Variants in RAB3GAP2 observed in about 807,000 individuals in gnomAD.
RAB3GAP2 encodes the protein RAB3 GTPase activating non-catalytic protein subunit 2.
In RAB3GAP2, 87 loss-of-function variants were observed where a neutral mutation model predicts 185.3. The observed-to-expected ratio is 0.47, with a 90% CI of 0.39 to 0.56. The LOEUF is 0.56. Ranked by LOEUF, RAB3GAP2 falls within the 20% of genes least tolerant of loss-of-function variation. The pLI, the probability that RAB3GAP2 is intolerant of heterozygous loss-of-function variation, is 0.00. For synonymous variants in RAB3GAP2, 554 were observed against 576.1 expected (o/e 0.96, Z 0.55); for missense variants, 1,492 against 1,638.2 (o/e 0.91, Z 1.54).
chr1:220,267,079 T>C (rs1175841390), intron 1 of RAB3GAP2: 2 of 1,593,960 alleles, frequency 1.3e-6, no homozygotes, highest in African/African-American at 2.7e-5. Context: ...AGATGGAGCA[T>C]GTTCTGACCA....
chr1:220,216,887 CTTTT>C (rs1001916086), intron 2 of RAB3GAP2, among the ~76,000 whole-genome samples: 1 of 147,844 alleles, frequency 6.8e-6, no homozygotes, highest in African/African-American at 2.5e-5. Flanking sequence ...AGTTGCTTTT[CTTTT>C]TTTTTTCAAT....
chr1:220,226,316 C>T (rs922504030), intron 2 of RAB3GAP2, among the ~76,000 whole-genome samples: 2 of 152,272 alleles, frequency 1.3e-5, no homozygotes, highest in African/African-American at 4.8e-5. Context: ...CAAGCTTCTT[C>T]CCAAACTGCC....
intron 2 of RAB3GAP2, among the ~76,000 whole-genome samples, chr1:220,225,951 C>T (rs970858963): frequency 1.3e-5 from 2 of 152,210 alleles, no homozygotes; most frequent in African/African-American, 4.8e-5. Flanking sequence ...TTCCACTTCT[C>T]AGCCTGTAAA....
At chr1:220,163,364 T>C (rs1319437987) in intron 27 of RAB3GAP2, among the ~76,000 whole-genome samples, 3 of 151,150 alleles carry the variant, frequency 2.0e-5, no homozygotes, top group African/African-American at 7.3e-5. Flanking sequence ...GTTAGTAACT[T>C]AATTTTTTTT....
At chr1:220,152,691 T>C (rs1275353441) in intron 33 of RAB3GAP2, among the ~76,000 whole-genome samples, 1 of 152,136 alleles carries the variant, frequency 6.6e-6, no homozygotes, top group Non-Finnish European at 1.5e-5. Context: ...ATTCATATGA[T>C]CCTGTTTCTT....
intron 1 of RAB3GAP2, among the ~76,000 whole-genome samples, chr1:220,250,593 G>A (rs1026812879): frequency 3.9e-5 from 6 of 152,180 alleles, no homozygotes; most frequent in Admixed American, 2.6e-4. Flanking sequence ...TTTGGGAGGA[G>A]ACAGGTAAAA....
rs551553690 is a variant in RAB3GAP2, at chr1:220,245,327, G to A, written c.116-12464C>T. Among the ~76,000 whole-genome samples, 139 of 152,356 alleles carry A rather than the reference G, an allele frequency of 9.1e-4. 2 individuals are homozygous for A. Among genetic ancestry groups the A allele is most frequent in the Admixed American group, 6.1e-3 (93 of 15,310 alleles). On this transcript the variant is annotated intron_variant, in intron 1 of 34. Transcript: ENST00000358951. Reference sequence around the variant, plus strand: ...TGGGTGCGCGCACCATGCGCGAGCCGAAGCAGGGCGAGGCATTGCCTCACT... The same window carrying A: ...TGGGTGCGCGCACCATGCGCGAGCCAAAGCAGGGCGAGGCATTGCCTCACT...
chr1:220,196,196 A>ATTGTAAATTG, intron 10 of RAB3GAP2, 54 bp downstream of exon 10: 1 of 1,576,366 alleles, frequency 6.3e-7, no homozygotes, highest in African/African-American at 1.3e-5. Flanking sequence ...CAATTTGTAG[A>ATTGTAAATTG]CAAATTGTAA....
intron 28 of RAB3GAP2, among the ~76,000 whole-genome samples, chr1:220,160,695 G>A (rs1010065706): frequency 1.3e-5 from 2 of 152,032 alleles, no homozygotes; most frequent in African/African-American, 4.8e-5. Flanking sequence ...AGGACTGCTG[G>A]GATATACTTT....
In RAB3GAP2 at chr1:220,195,417, T is replaced by C. The variant is rs774514968; in HGVS notation, c.961-40A>G. 3 of 1,508,570 alleles carry C rather than the reference T, an allele frequency of 2.0e-6. No homozygotes were observed. In the African/African-American group the frequency reaches 4.1e-5, roughly 21 times the overall value. The allele number at this position is 1,508,570 out of a possible 1,614,324, so 93.4% of individuals were successfully genotyped here. Reference sequence around the variant, plus strand: ...ATTTGAAAGAGAAAACTTAGTAGCTTACAAAGAAACAAACATACTTTCTAA... The same window carrying C: ...ATTTGAAAGAGAAAACTTAGTAGCTCACAAAGAAACAAACATACTTTCTAA... On this transcript the variant is annotated intron_variant, in intron 10 of 34. Coordinates refer to ENST00000358951, the MANE Select transcript of RAB3GAP2 (RefSeq NM_012414.4).
At chr1:220,228,203 T>C (rs1659437963) in intron 2 of RAB3GAP2, among the ~76,000 whole-genome samples, 1 of 152,194 alleles carries the variant, frequency 6.6e-6, no homozygotes, top group Non-Finnish European at 1.5e-5. Context: ...CTGTTCCTAA[T>C]AAGAGAGAGT....
chr1:220,256,807 G>A (rs1660039388), intron 1 of RAB3GAP2, among the ~76,000 whole-genome samples: 1 of 152,154 alleles, frequency 6.6e-6, no homozygotes, highest in Non-Finnish European at 1.5e-5. Flanking sequence ...AATAGTGGGA[G>A]ATTTTAACAC....
At chr1:220,252,036 C>T (rs1326366965) in intron 1 of RAB3GAP2, among the ~76,000 whole-genome samples, 1 of 150,934 alleles carries the variant, frequency 6.6e-6, no homozygotes, top group African/African-American at 2.4e-5. Context: ...TCTGTAGTCC[C>T]AGTTATTTGG....
At chr1:220,205,504 G>A (rs928798547) in intron 8 of RAB3GAP2, among the ~76,000 whole-genome samples, 1 of 152,018 alleles carries the variant, frequency 6.6e-6, no homozygotes, top group African/African-American at 2.4e-5. Context: ...TAGGATGCTG[G>A]CCTTGATCAG....
rs1320473301 is a variant in RAB3GAP2 at position 220,167,330 on chromosome 1, C to T, written c.3050G>A (p.Cys1017Tyr). 1.9e-6 allele frequency: 3 copies of T among 1,614,166 alleles called. No individual in the cohort carries two copies. The highest frequency in any genetic ancestry group is 3.3e-5 in the Admixed American group (2 of 60,026). ...ATTCCACTGAACAACGTACTCCCAGCAGCAATGTGCATGCAAGACATCGAG... is the reference window on the plus strand; with the variant it reads ...ATTCCACTGAACAACGTACTCCCAGTAGCAATGTGCATGCAAGACATCGAG... ...LELDVLHAHC[C>Y]WEYVVQWNKD... The change falls in exon 26 of 35, where the codon TGC becomes TAC. Residue 1017 changes from cysteine (C) to tyrosine (Y), a missense_variant. By Grantham distance (194) the Cys-to-Tyr change is radical. This residue lies in a region of RAB3GAP2 where 387 missense variants were observed against 455.3 expected (regional missense o/e 0.85). Transcript: ENST00000358951.
At chr1:220,251,395 G>A (rs1287643260) in intron 1 of RAB3GAP2, among the ~76,000 whole-genome samples, 1 of 152,074 alleles carries the variant, frequency 6.6e-6, no homozygotes, top group Non-Finnish European at 1.5e-5. Flanking sequence ...ATAAATATTT[G>A]CAAAATATAA....
rs201310048 is a variant in RAB3GAP2 at position 220,162,267 on chromosome 1, G to A, written c.3156C>T (p.Gly1052=). 1.3e-6 allele frequency: 2 copies of A among 1,583,386 alleles called. No homozygotes were observed. Among genetic ancestry groups the A allele is most frequent in the Non-Finnish European group, 1.7e-6 (2 of 1,152,272 alleles). Residue 1052 remains glycine (G), a splice_region_variant and synonymous_variant, in exon 28 of 35, where the codon GGC becomes GGT. Coordinates refer to ENST00000358951, the MANE Select transcript of RAB3GAP2 (RefSeq NM_012414.4). The stretch of plus-strand genomic sequence containing the variant: ...ACGTATTCCACATCATCAGTGCAAT[G>A]CCTAGATAGCAAGTAAAAGTAGTAA... ...KQIFNAHVQN[G]IALMMWNTFL...
At chr1:220,200,169 C>T (rs1404637642) in intron 9 of RAB3GAP2, among the ~76,000 whole-genome samples, 1 of 152,158 alleles carries the variant, frequency 6.6e-6, no homozygotes, top group Non-Finnish European at 1.5e-5. Flanking sequence ...GCTCCCAGGC[C>T]TATATCCCTG....
chr1:220,173,026 A>C (rs1379444556), intron 21 of RAB3GAP2, among the ~76,000 whole-genome samples: 2 of 152,218 alleles, frequency 1.3e-5, no homozygotes, highest in Non-Finnish European at 2.9e-5. Context: ...GGAGCATATT[A>C]CCAGACAGGA....
Sources: gnomAD v4.1 joint callset for allele counts (sites outside exome capture counted in the v4.1 genomes callset) on GRCh38, gnomAD v4.1.1 for gene constraint, gnomAD v4.1.1 regional missense constraint, MANE v1.5 for transcripts, NCBI Gene and HGNC (gene_info 2026-07-23, HGNC 2026-07-21) for gene names.